Variants in HS3ST3A1 observed in about 807,000 individuals in gnomAD.
The protein encoded by HS3ST3A1 is heparan sulfate-glucosamine 3-sulfotransferase 3A1.
A neutral mutation model predicts 25.7 loss-of-function variants in HS3ST3A1; 19 were observed. That is an observed-to-expected ratio of 0.74 (90% CI 0.52 to 1.08). The LOEUF is 1.08. Among genes scored for constraint, HS3ST3A1 ranks in the 50% least tolerant of loss-of-function variants. The probability of loss-of-function intolerance (pLI) is 0.00; values close to 1 mark genes in which losing one functional copy is unlikely to be tolerated. For missense variants in HS3ST3A1, 459 were observed against 594.3 expected (o/e 0.77, Z 2.37); for synonymous variants, 226 against 278.6 (o/e 0.81, Z 1.88).
intron 1 of HS3ST3A1, among the ~76,000 whole-genome samples, chr17:13,587,301 A>G (rs900250311): frequency 9.2e-5 from 14 of 152,024 alleles, no homozygotes; most frequent in African/African-American, 3.1e-4. Flanking sequence ...TAAAAATACA[A>G]AAATTAGCTG....
At chr17:13,497,957 G>C (rs1939407908) in intron 1 of HS3ST3A1, among the ~76,000 whole-genome samples, 2 of 152,142 alleles carry the variant, frequency 1.3e-5, no homozygotes, top group Non-Finnish European at 2.9e-5. Context: ...TTAATTCCCT[G>C]TGATTTTGTC....
chr17:13,582,567 C>T (rs11868328), intron 1 of HS3ST3A1, among the ~76,000 whole-genome samples: 1 of 152,036 alleles, frequency 6.6e-6, no homozygotes, highest in African/African-American at 2.4e-5. Flanking sequence ...TGCATGAATA[C>T]AGCCAAAATA....
chr17:13,578,479 C>T (rs141465646), intron 1 of HS3ST3A1, among the ~76,000 whole-genome samples: 4,177 of 149,828 alleles, frequency 0.028, 191 homozygotes, highest in African/African-American at 0.096. Context: ...AGAAGAATCA[C>T]TTGAACCCAG....
intron 1 of HS3ST3A1, among the ~76,000 whole-genome samples, chr17:13,572,211 A>G (rs965784958): frequency 6.6e-6 from 1 of 152,178 alleles, no homozygotes; most frequent in African/African-American, 2.4e-5. Flanking sequence ...ATATTTCTCT[A>G]AAGGTGAATG....
At chr17:13,507,394 A>T (rs1905720278) in intron 1 of HS3ST3A1, among the ~76,000 whole-genome samples, 1 of 152,172 alleles carries the variant, frequency 6.6e-6, no homozygotes, top group African/African-American at 2.4e-5. Flanking sequence ...CTAGAATGAA[A>T]ATCCAGGTCC....
rs71144977 is a variant in HS3ST3A1 at position 13,585,186 on chromosome 17, C to CTTTTTTTTTTTTTTTTTTTTTTTT, written c.599+15321_599+15344dup. ...CAATCTAAATACTCATTTTTCTGTGCTTTTTTTTTTTTTTTTTTTTTTTTT... is the reference window on the plus strand; with the variant it reads ...CAATCTAAATACTCATTTTTCTGTGCTTTTTTTTTTTTTTTTTTTTTTTTTTTTTTTTTTTTTTTTTTTTTTTTT... On this transcript the variant is annotated intron_variant, in intron 1 of 1. Transcript: ENST00000284110. Among the ~76,000 whole-genome samples the CTTTTTTTTTTTTTTTTTTTTTTTT allele has an allele frequency of 3.0e-4, 10 of 33,246 alleles. 2 individuals carry two copies. The highest frequency in any genetic ancestry group is 2.8e-3 in the East Asian group (2 of 716). 21.8% of individuals were successfully genotyped at this position (33,246 alleles called of 152,430 possible).
At chr17:13,535,184 A>C (rs1306797678) in intron 1 of HS3ST3A1, among the ~76,000 whole-genome samples, 2 of 152,200 alleles carry the variant, frequency 1.3e-5, no homozygotes, top group Admixed American at 1.3e-4. Flanking sequence ...TTTCTGTTTA[A>C]AGACACATTA....
At chr17:13,539,104 G>A (rs1267616401) in intron 1 of HS3ST3A1, among the ~76,000 whole-genome samples, 8 of 152,132 alleles carry the variant, frequency 5.3e-5, no homozygotes, top group Non-Finnish European at 1.5e-5. Context: ...GAAGATCTGG[G>A]AGCTGTCTGG....
intron 1 of HS3ST3A1, among the ~76,000 whole-genome samples, chr17:13,595,216 G>A (rs1908543260): frequency 6.6e-6 from 1 of 152,112 alleles, no homozygotes; most frequent in East Asian, 1.9e-4. Context: ...ACATAGTAAG[G>A]CAAAAATTCA....
Position 13,496,147 on chromosome 17 carries a change from TA to T in HS3ST3A1, c.*49del, listed in dbSNP as rs770247855. 1.4e-6 allele frequency: 2 copies of T among 1,456,370 alleles called. No homozygotes were observed. The highest frequency in any genetic ancestry group is 9.1e-7 in the Non-Finnish European group (1 of 1,104,598). 90.2% of individuals were successfully genotyped at this position (1,456,370 alleles called of 1,614,324 possible). A position where few individuals can be genotyped will look rare whatever the true frequency, so the allele number is the denominator to read the frequency against. On this transcript the variant is annotated 3_prime_UTR_variant, in exon 2 of 2. Coordinates refer to ENST00000284110, the MANE Select transcript of HS3ST3A1 (RefSeq NM_006042.3). Reference sequence around the variant, plus strand: ...AAACTGTCTCTTCTCTACCGATTGGTAAAAAAATATATTATATTTTGATTTT... The same window carrying T: ...AAACTGTCTCTTCTCTACCGATTGGTAAAAAATATATTATATTTTGATTTT...
chr17:13,585,637 C>A (rs538404151), intron 1 of HS3ST3A1, among the ~76,000 whole-genome samples: 1 of 151,888 alleles, frequency 6.6e-6, no homozygotes, highest in Admixed American at 6.6e-5. Context: ...AAATAAGCAC[C>A]AGTAGGACTC....
chr17:13,549,523 C>T (rs1907184970), intron 1 of HS3ST3A1, among the ~76,000 whole-genome samples: 2 of 152,180 alleles, frequency 1.3e-5, no homozygotes, highest in Non-Finnish European at 2.9e-5. Flanking sequence ...TTCCTCTTGC[C>T]GCATTCCTTT....
intron 1 of HS3ST3A1, among the ~76,000 whole-genome samples, chr17:13,539,032 T>C (rs1005837097): frequency 6.6e-6 from 1 of 152,182 alleles, no homozygotes; most frequent in African/African-American, 2.4e-5. Context: ...AGAGGTCAGC[T>C]GGGGCTAGAA....
At chr17:13,558,468 G>A (rs1274610371) in intron 1 of HS3ST3A1, among the ~76,000 whole-genome samples, 1 of 152,060 alleles carries the variant, frequency 6.6e-6, no homozygotes, top group Non-Finnish European at 1.5e-5. Flanking sequence ...AAACAGTAGT[G>A]ATCTATGCTA....
intron 1 of HS3ST3A1, among the ~76,000 whole-genome samples, chr17:13,506,026 C>CAAAA (rs35525593): frequency 1.3e-4 from 9 of 66,952 alleles, no homozygotes; most frequent in African/African-American, 3.9e-4. Flanking sequence ...GACTTCATCT[C>CAAAA]AAAAAAAAAA....
At chr17:13,579,419 G>C (rs1018862012) in intron 1 of HS3ST3A1, among the ~76,000 whole-genome samples, 6 of 152,044 alleles carry the variant, frequency 3.9e-5, no homozygotes, top group African/African-American at 1.4e-4. Flanking sequence ...AGAGGATTTA[G>C]GCTGGGCCTA....
intron 1 of HS3ST3A1, among the ~76,000 whole-genome samples, chr17:13,515,953 C>G (rs979329999): frequency 6.6e-6 from 1 of 152,050 alleles, no homozygotes; most frequent in Non-Finnish European, 1.5e-5. Context: ...ATGTTTATTA[C>G]AGTTTTTTGC....
chr17:13,562,011 G>A (rs1214806250), intron 1 of HS3ST3A1, among the ~76,000 whole-genome samples: 2 of 152,064 alleles, frequency 1.3e-5, no homozygotes, highest in Non-Finnish European at 2.9e-5. Flanking sequence ...ACCTGTAATT[G>A]ACAAAGTCAC....
chr17:13,557,507 T>C (rs953510206), intron 1 of HS3ST3A1, among the ~76,000 whole-genome samples: 3 of 151,686 alleles, frequency 2.0e-5, no homozygotes, highest in African/African-American at 7.3e-5. Context: ...ACCTGTCCAA[T>C]ACTCTCACTA....
Sources: allele counts gnomAD v4.1 joint callset (sites outside exome capture counted in the v4.1 genomes callset), GRCh38; gene constraint gnomAD v4.1.1; transcripts MANE v1.5; gene names NCBI Gene and HGNC (gene_info 2026-07-23, HGNC 2026-07-21).